The following SPOCK1 variants were observed in gnomAD, a reference collection of about 807,000 sequenced individuals.
SPOCK1 encodes the protein testican-1.
Under a neutral mutation model 55.3 loss-of-function variants are expected in SPOCK1, and 23 were observed. The observed-to-expected ratio is 0.42, with a 90% confidence interval of 0.30 to 0.59. The LOEUF (loss-of-function observed/expected upper bound fraction) is 0.59. Among genes scored for constraint, SPOCK1 ranks in the 20% least tolerant of loss-of-function variants. The pLI is 0.22. For synonymous variants in SPOCK1, 226 were observed against 221.0 expected (o/e 1.02, Z -0.20); for missense variants, 499 against 552.5 (o/e 0.90, Z 0.97).
intron 2 of SPOCK1, among the ~76,000 whole-genome samples, chr5:137,454,646 G>A (rs1753326036): frequency 6.6e-6 from 1 of 152,166 alleles, no homozygotes; most frequent in Non-Finnish European, 1.5e-5. Context: ...TTCAAAAATA[G>A]ATATTGATTC....
intron 3 of SPOCK1, among the ~76,000 whole-genome samples, chr5:137,220,466 A>G (rs960971093): frequency 1.3e-5 from 2 of 152,166 alleles, no homozygotes; most frequent in African/African-American, 4.8e-5. Context: ...ATGGATTTAG[A>G]TTACTTAATC....
chr5:137,091,381 C>T (rs887085775), intron 5 of SPOCK1, among the ~76,000 whole-genome samples: 3 of 152,178 alleles, frequency 2.0e-5, no homozygotes, highest in African/African-American at 7.2e-5. Flanking sequence ...ATAAAACCCT[C>T]GCTGTAGATG....
rs182645321 is a variant in SPOCK1, at chr5:137,124,756, C to T, written c.348-12195G>A. ...CTCCTGGGGCCACTGGGATGGATGA[C>T]ATCCTCTCACCACCAAGGCCAAGCC... On this transcript the variant is annotated intron_variant, in intron 4 of 10. Transcript: ENST00000394945. Among the ~76,000 whole-genome samples the T allele has an allele frequency of 4.2e-3, 636 of 152,308 alleles. 2 individuals are homozygous for T. The highest frequency in any genetic ancestry group is 0.01 in the African/African-American group (421 of 41,562).
intron 2 of SPOCK1, among the ~76,000 whole-genome samples, chr5:137,427,724 G>A (rs1253550826): frequency 6.6e-6 from 1 of 151,930 alleles, no homozygotes; most frequent in Non-Finnish European, 1.5e-5. Flanking sequence ...CCTGGCTAAC[G>A]TGGTGAAACC....
chr5:137,274,927 T>G (rs931202582), intron 2 of SPOCK1, among the ~76,000 whole-genome samples: 3 of 152,234 alleles, frequency 2.0e-5, no homozygotes, highest in Admixed American at 2.0e-4. Context: ...GTGGGCCTAT[T>G]TGTGCATTGA....
At chr5:136,984,130 C>A (rs997512251) in intron 9 of SPOCK1, among the ~76,000 whole-genome samples, 8 of 152,152 alleles carry the variant, frequency 5.3e-5, no homozygotes, top group Admixed American at 4.6e-4. Flanking sequence ...TCTTTATGTC[C>A]TTTTACTCAG....
intron 2 of SPOCK1, among the ~76,000 whole-genome samples, chr5:137,406,301 A>G (rs1752097724): frequency 6.6e-6 from 1 of 152,206 alleles, no homozygotes; most frequent in Non-Finnish European, 1.5e-5. Flanking sequence ...CGGAAGGAAG[A>G]GATTAATTCT....
chr5:137,102,230 G>A (rs1753284922), intron 5 of SPOCK1, among the ~76,000 whole-genome samples: 1 of 152,080 alleles, frequency 6.6e-6, no homozygotes, highest in Non-Finnish European at 1.5e-5. Flanking sequence ...CAACCATAGG[G>A]CCATATCAGC....
chr5:137,365,377 CCTTT>C (rs1751035959), intron 2 of SPOCK1: 1 of 152,220 alleles, frequency 6.6e-6, no homozygotes, highest in Non-Finnish European at 1.5e-5. Flanking sequence ...CTTTCTCAAG[CCTTT>C]CTAATTGAGT....
intron 2 of SPOCK1, among the ~76,000 whole-genome samples, chr5:137,289,016 T>C (rs557346859): frequency 1.3e-5 from 2 of 152,334 alleles, no homozygotes; most frequent in African/African-American, 4.8e-5. Flanking sequence ...TACTGAGCTA[T>C]GGGGTCCAAC....
At chr5:137,456,126 T>A (rs1039194152) in intron 2 of SPOCK1, among the ~76,000 whole-genome samples, 3 of 152,030 alleles carry the variant, frequency 2.0e-5, no homozygotes, top group African/African-American at 7.2e-5. Context: ...CTTTTCCCAG[T>A]CCAATTTAAT....
chr5:137,271,608 T>G lies in SPOCK1; in HGVS notation c.187-4553A>C, dbSNP rs538990170. 2.3e-4 allele frequency among the ~76,000 whole-genome samples: 26 copies of G among 111,776 alleles called. No individual in the cohort carries two copies. The East Asian group carries it at 4.6e-3, about 20-fold the overall frequency. The allele number at this position is 111,776 out of a possible 152,430, so 73.3% of individuals were successfully genotyped here. On this transcript the variant is annotated intron_variant, in intron 2 of 10. Coordinates refer to ENST00000394945, the MANE Select transcript of SPOCK1 (RefSeq NM_004598.4). Reference sequence around the variant, plus strand: ...CCATTTTGAATAAGAACCTGAATTTTCTTTTACTATACCATAGCCCCAAAA... The same window carrying G: ...CCATTTTGAATAAGAACCTGAATTTGCTTTTACTATACCATAGCCCCAAAA...
intron 2 of SPOCK1, among the ~76,000 whole-genome samples, chr5:137,481,243 C>A (rs185692253): frequency 6.6e-6 from 1 of 152,346 alleles, no homozygotes; most frequent in African/African-American, 2.4e-5. Context: ...CTCCCTGAGG[C>A]TCCCCTGGTG....
intron 2 of SPOCK1, among the ~76,000 whole-genome samples, chr5:137,284,456 T>C (rs1757226837): frequency 6.6e-6 from 1 of 152,184 alleles, no homozygotes; most frequent in African/African-American, 2.4e-5. Context: ...GAGCTTTCTG[T>C]GCTAAAACAT....
chr5:137,018,348 T>C (rs2126978590), intron 6 of SPOCK1, among the ~76,000 whole-genome samples: 1 of 152,342 alleles, frequency 6.6e-6, no homozygotes, highest in African/African-American at 2.4e-5. Flanking sequence ...CTCAGGACTC[T>C]GGTCAACGTG....
intron 3 of SPOCK1, among the ~76,000 whole-genome samples, chr5:137,265,287 T>C (rs1054428518): frequency 1.3e-5 from 2 of 152,226 alleles, no homozygotes; most frequent in Admixed American, 1.3e-4. Context: ...GGAGAGTGTA[T>C]TCATTTGCAA....
At chr5:137,227,009 T>C (rs181475435) in intron 3 of SPOCK1, among the ~76,000 whole-genome samples, 80 of 152,344 alleles carry the variant, frequency 5.3e-4, no homozygotes, top group Non-Finnish European at 9.6e-4. Context: ...AAAGCCTTCC[T>C]CTGTTATCCA....
intron 3 of SPOCK1, among the ~76,000 whole-genome samples, chr5:137,180,024 A>C (rs1043280428): frequency 1.3e-5 from 2 of 152,154 alleles, no homozygotes; most frequent in Admixed American, 1.3e-4. Flanking sequence ...TAGCATCTCA[A>C]CCTTATAGTG....
chr5:137,125,852 C>G (rs1753773965), intron 4 of SPOCK1, among the ~76,000 whole-genome samples: 1 of 152,132 alleles, frequency 6.6e-6, no homozygotes, highest in Admixed American at 6.5e-5. Flanking sequence ...TGCATGCTGG[C>G]AAGAGCCTAG....
Sources: allele counts gnomAD v4.1 joint callset (sites outside exome capture counted in the v4.1 genomes callset), GRCh38; gene constraint gnomAD v4.1.1; transcripts MANE v1.5; gene names NCBI Gene and HGNC (gene_info 2026-07-23, HGNC 2026-07-21).